Variants in DENND3 observed in about 807,000 individuals in gnomAD.
DENND3 encodes DENN domain-containing protein 3.
A neutral mutation model predicts 135.1 loss-of-function variants in DENND3; 88 were observed. The observed-to-expected ratio is 0.65, with a 90% CI of 0.55 to 0.78. DENND3 has a LOEUF of 0.78. DENND3 is among the 30% of genes least tolerant of loss of function. The pLI is 0.00. For synonymous variants in DENND3, 693 were observed against 712.3 expected (o/e 0.97, Z 0.43); for missense variants, 1,392 against 1,688.4 (o/e 0.82, Z 3.08).
rs368766509 is a variant in DENND3, at chr8:141,178,148, A to G, written c.2788A>G (p.Ile930Val). The G allele has an allele frequency of 3.7e-5, 60 of 1,613,378 alleles. No individual in the cohort carries two copies. Among genetic ancestry groups the G allele is most frequent in the Non-Finnish European group, 4.7e-5 (55 of 1,179,382 alleles). The change falls in exon 16 of 23, where the codon ATC (isoleucine) becomes GTC (valine). Residue 930 changes from isoleucine to valine, a missense_variant. By Grantham distance (29) the Ile-to-Val change is conservative. Transcript: ENST00000519811. ...VVGTLQSPGA[I>V]YAASKLSYFD... ...GGGCACACTGCAGTCACCAGGCGCC[A>G]TCTACGCTGCCTCCAAGTTATCCTA... is the stretch of plus-strand genomic sequence containing the variant.
In DENND3 at chr8:141,130,755, C is replaced by T. The variant is rs924156029; in HGVS notation, c.102+1946C>T. Among the ~76,000 whole-genome samples, 53 of 151,034 alleles carry T rather than the reference C, an allele frequency of 3.5e-4. No homozygotes were observed. Among genetic ancestry groups the T allele is most frequent in the African/African-American group, 1.1e-3 (46 of 40,970 alleles). Reference sequence around the variant, plus strand: ...AGGATGGAGTGCCATGGTGCAATCTCGGCTCACTGCAATCTCCGCCTCCTG... The same window carrying T: ...AGGATGGAGTGCCATGGTGCAATCTTGGCTCACTGCAATCTCCGCCTCCTG... On this transcript the variant is annotated intron_variant, in intron 1 of 22. Transcript: ENST00000519811. The surrounding 1 kb of genome is among the most constrained non-coding windows in gnomAD (Gnocchi z 4.2).
At position 141,137,909 on chromosome 8, in the gene DENND3, C is replaced by A; in HGVS notation, c.386-113C>A. ...TGAACCCGCCTTGGACATGAAGGCA[C>A]CACCACTGCTAACTGTGGAGGTGTG... On this transcript the variant is annotated intron_variant, in intron 2 of 22. Transcript: ENST00000519811. This position sits in a 1 kb window ranked among gnomAD's most constrained non-coding sequence, Gnocchi z 4.1. The A allele has an allele frequency of 1.9e-6, 2 of 1,057,864 alleles. No homozygotes were observed. The highest frequency in any genetic ancestry group is 2.7e-6 in the Non-Finnish European group (2 of 729,726). 65.5% of individuals were successfully genotyped at this position (1,057,864 alleles called of 1,614,324 possible).
In DENND3 at chr8:141,194,392, C is replaced by T. The variant is rs1217742169; in HGVS notation, c.*159C>T. 1 of 796,662 alleles carries T rather than the reference C, an allele frequency of 1.3e-6. No homozygotes were observed. The allele number at this position is 796,662 out of a possible 1,614,324, so 49.3% of individuals were successfully genotyped here. A position where few individuals can be genotyped will look rare whatever the true frequency, so the allele number is the denominator to read the frequency against. ...GTGTGGCCAGCCGCGAGACCCATGG[C>T]CACGCACCTTCTCTCAGGCCTTCGG... is the stretch of plus-strand genomic sequence containing the variant. On this transcript the variant is annotated 3_prime_UTR_variant, in exon 23 of 23. Transcript: ENST00000519811.
chr8:141,188,812 T>C (rs1368985618), intron 18 of DENND3, 174 bp from the exon 19 acceptor site: 1 of 726,324 alleles, frequency 1.4e-6, no homozygotes, highest in Non-Finnish European at 2.2e-6. Context: ...GGTTATGCAC[T>C]GATGGGTGGA....
At chr8:141,160,835 C>T in intron 9 of DENND3, 48 bp downstream of exon 9, 4 of 1,578,166 alleles carry the variant, frequency 2.5e-6, no homozygotes, top group Non-Finnish European at 3.5e-6. Flanking sequence ...AACCAGCCAG[C>T]CATCCATTCT....
At chr8:141,170,017 C>T (rs1352224118) in intron 13 of DENND3, among the ~76,000 whole-genome samples, 2 of 152,348 alleles carry the variant, frequency 1.3e-5, no homozygotes, top group South Asian at 4.1e-4. Flanking sequence ...TGGCGGGGGC[C>T]GCGCCTCCAT....
At chr8:141,192,815 G>C in intron 22 of DENND3, 152 bp downstream of exon 22, 1 of 1,562,070 alleles carries the variant, frequency 6.4e-7, no homozygotes. Context: ...TGCAGGGTTG[G>C]TGCCAACGGG....
intron 1 of DENND3, among the ~76,000 whole-genome samples, chr8:141,131,236 C>T (rs1170367837): frequency 6.6e-6 from 1 of 152,090 alleles, no homozygotes; most frequent in East Asian, 1.9e-4. Context: ...TTCCCCTCCA[C>T]CCCTTTACTA....
rs780644436 is a variant in DENND3, at chr8:141,175,367, G to A, written c.2443G>A (p.Val815Ile). 8.7e-6 allele frequency: 14 copies of A among 1,614,064 alleles called. No homozygotes were observed. The highest frequency in any genetic ancestry group is 3.3e-5 in the South Asian group (3 of 91,082). The change falls in exon 14 of 23, where the codon GTT becomes ATT. Residue 815 changes from valine (V) to isoleucine (I), a missense_variant. Transcript: ENST00000519811. The surrounding 1 kb of genome is among the most constrained non-coding windows in gnomAD (Gnocchi z 5.4). Reference sequence around the variant, plus strand: ...CAGCTCCGTCAAGACAAACCTAGGCGTTGGCAAGATCGCCATGACCCAGAA... The same window carrying A: ...CAGCTCCGTCAAGACAAACCTAGGCATTGGCAAGATCGCCATGACCCAGAA... ...LSSSVKTNLG[V>I]GKIAMTQKRL...
chr8:141,139,328 C>G lies in DENND3; in HGVS notation c.501+1191C>G, dbSNP rs1817170928. The stretch of plus-strand genomic sequence containing the variant: ...GTCCCTGTAAGCTCATGGGGCAGCA[C>G]AGACAGGCCCGGATGTTCTTAATGA... On this transcript the variant is annotated intron_variant, in intron 3 of 22. Transcript: ENST00000519811. The surrounding 1 kb of genome is among the most constrained non-coding windows in gnomAD (Gnocchi z 4.2). 6.6e-6 allele frequency among the ~76,000 whole-genome samples: 1 copy of G among 152,214 alleles called. No homozygotes were observed. The highest frequency in any genetic ancestry group is 2.4e-5 in the African/African-American group (1 of 41,452).
chr8:141,134,310 T>A (rs1483183923), intron 1 of DENND3, among the ~76,000 whole-genome samples: 1 of 152,088 alleles, frequency 6.6e-6, no homozygotes, highest in Non-Finnish European at 1.5e-5. Context: ...TTTTATTTTT[T>A]TTTTGAGACA....
chr8:141,150,775 C>T, intron 5 of DENND3, 59 bp from the exon 6 acceptor site: 1 of 1,509,114 alleles, frequency 6.6e-7, no homozygotes. Context: ...GACAGTAGTG[C>T]ACGTCAGCCT....
Position 141,137,950 on chromosome 8 carries a change from A to C in DENND3, c.386-72A>C. On this transcript the variant is annotated intron_variant, in intron 2 of 22. Coordinates refer to ENST00000519811, the MANE Select transcript of DENND3 (RefSeq NM_001352890.3). This position sits in a 1 kb window ranked among gnomAD's most constrained non-coding sequence, Gnocchi z 4.1. The stretch of plus-strand genomic sequence containing the variant: ...TGGAGGTGTGTCCTAAACACTGTGA[A>C]GAAATCAGCTCGTGGGTAACCCAGG... 6.7e-7 allele frequency: 1 copy of C among 1,487,734 alleles called. No homozygotes were observed. Among genetic ancestry groups the C allele is most frequent in the Non-Finnish European group, 9.2e-7 (1 of 1,092,708 alleles). The allele number at this position is 1,487,734 out of a possible 1,614,324, so 92.2% of individuals were successfully genotyped here.
intron 1 of DENND3, among the ~76,000 whole-genome samples, chr8:141,134,874 A>C (rs913788619): frequency 2.6e-5 from 4 of 152,088 alleles, no homozygotes; most frequent in Non-Finnish European, 2.9e-5. Flanking sequence ...TCTGTCGCGC[A>C]GGCTGGACTG....
Position 141,162,260 on chromosome 8 carries a change from A to G in DENND3, c.1353-1073A>G, listed in dbSNP as rs937981441. Among the ~76,000 whole-genome samples, 47 of 152,202 alleles carry G rather than the reference A, an allele frequency of 3.1e-4. 1 individual carries two copies. The highest frequency in any genetic ancestry group is 5.9e-5 in the Non-Finnish European group (4 of 68,034). On this transcript the variant is annotated intron_variant, in intron 9 of 22. Coordinates refer to ENST00000519811, the MANE Select transcript of DENND3 (RefSeq NM_001352890.3). ...ATGTTGTTTTCCTTTTGTTCTTTGA[A>G]GATGAAATATCTTATGAACAATTTT...
At chr8:141,192,734 C>T in intron 22 of DENND3, 71 bp downstream of exon 22, 1 of 1,608,954 alleles carries the variant, frequency 6.2e-7, no homozygotes, top group Non-Finnish European at 8.5e-7. Context: ...TCCCCATGCT[C>T]CCGAGAGCCA....
At chr8:141,185,531 C>T in intron 18 of DENND3, 1 of 418,814 alleles carries the variant, frequency 2.4e-6, no homozygotes, top group South Asian at 3.3e-5. Context: ...AGATTTCAGG[C>T]CCCCATCTAA....
rs1170173054 is a variant in DENND3, at chr8:141,182,620, G to A, written c.2944+1766G>A. On this transcript the variant is annotated intron_variant, in intron 17 of 22. Coordinates refer to ENST00000519811, the MANE Select transcript of DENND3 (RefSeq NM_001352890.3). This position sits in a 1 kb window ranked among gnomAD's most constrained non-coding sequence, Gnocchi z 5.9. ...CCTGCAGAGAGCGTGCAAAGCAGCC[G>A]TGGGGAATGGGGAAACCGCCTTTTC... is the stretch of plus-strand genomic sequence containing the variant. 2.1e-5 allele frequency: 10 copies of A among 483,760 alleles called. No homozygotes were observed. The highest frequency in any genetic ancestry group is 1.6e-4 in the East Asian group (1 of 6,444). The allele number at this position is 483,760 out of a possible 1,614,324, so 30.0% of individuals were successfully genotyped here. A position where few individuals can be genotyped will look rare whatever the true frequency, so the allele number is the denominator to read the frequency against.
chr8:141,160,808 A>G (rs1214792847), intron 9 of DENND3, 21 bp downstream of exon 9: 1 of 1,598,816 alleles, frequency 6.3e-7, no homozygotes. Flanking sequence ...GAACATTCCC[A>G]GTGTCCATGA....
Sources: allele counts gnomAD v4.1 joint callset (sites outside exome capture counted in the v4.1 genomes callset), GRCh38; gene constraint gnomAD v4.1.1; non-coding constraint Gnocchi (gnomAD v3.1); transcripts MANE v1.5; gene names NCBI Gene and HGNC (gene_info 2026-07-23, HGNC 2026-07-21).